CSNK2A1: variants seen among roughly 807,000 people sequenced by gnomAD.
CSNK2A1 encodes the protein casein kinase 2 alpha 1.
A neutral mutation model predicts 62.9 loss-of-function variants in CSNK2A1; 10 were observed. That is an observed-to-expected ratio of 0.16 (90% CI 0.10 to 0.27). The LOEUF (loss-of-function observed/expected upper bound fraction) is 0.27, where lower values mean the gene tolerates loss of function less well. Ranked by LOEUF, CSNK2A1 falls within the 10% of genes least tolerant of loss-of-function variation. The pLI is 1.00. For synonymous variants in CSNK2A1, 124 were observed against 167.8 expected (o/e 0.74, Z 2.02); for missense variants, 160 against 492.0 (o/e 0.33, Z 6.38).
At chr20:525,288 G>C (rs998953012) in intron 2 of CSNK2A1, among the ~76,000 whole-genome samples, 1 of 150,596 alleles carries the variant, frequency 6.6e-6, no homozygotes, top group African/African-American at 2.4e-5. Flanking sequence ...GAGGTGAGTG[G>C]ATTACTTGAA....
intron 1 of CSNK2A1, among the ~76,000 whole-genome samples, chr20:531,027 T>C (rs2019201227): frequency 6.6e-6 from 1 of 152,082 alleles, no homozygotes; most frequent in African/African-American, 2.4e-5. Context: ...GAGGTTACAG[T>C]GAGCTGAGAT....
At position 487,440 on chromosome 20, in the gene CSNK2A1, C is replaced by T. The variant is rs1199266803; in HGVS notation, c.960G>A (p.Glu320=). 6.2e-7 allele frequency: 1 copy of T among 1,613,954 alleles called. No individual in the cohort carries two copies. The highest frequency in any genetic ancestry group is 8.5e-7 in the Non-Finnish European group (1 of 1,180,036). Residue 320 remains glutamate, a synonymous_variant, in exon 12 of 14, where the codon GAG becomes GAA. Transcript: ENST00000217244. The part of the protein sequence containing the change: ...QSRLTAREAM[E]HPYFYTVVKD... Reference sequence around the variant, plus strand: ...ATCTGGACTCACAGAAATAGGGGTGCTCCATTGCCTCTCTTGCAGTAAGCC... The same window carrying T: ...ATCTGGACTCACAGAAATAGGGGTGTTCCATTGCCTCTCTTGCAGTAAGCC...
intron 2 of CSNK2A1, chr20:526,761 C>T (rs572703244): frequency 3.7e-4 from 57 of 152,102 alleles, no homozygotes; most frequent in Admixed American, 1.6e-3. Context: ...CGAGACCAGT[C>T]TGGCCAATAT....
At chr20:503,433 C>T (rs1261702324) in intron 4 of CSNK2A1, 5 of 398,352 alleles carry the variant, frequency 1.3e-5, no homozygotes, top group African/African-American at 8.2e-5. Flanking sequence ...GATATAAATA[C>T]TTAAACTCTC....
intron 11 of CSNK2A1, 137 bp downstream of exon 11, chr20:488,541 C>A (rs754145602): frequency 4.9e-6 from 4 of 812,310 alleles, no homozygotes; most frequent in Non-Finnish European, 7.9e-6. Context: ...CTGCTCAATG[C>A]AGCATCCTGT....
intron 2 of CSNK2A1, among the ~76,000 whole-genome samples, chr20:524,089 T>A (rs1037388299): frequency 2.1e-4 from 32 of 151,320 alleles, no homozygotes; most frequent in African/African-American, 7.1e-4. Context: ...TAAAAAAAAA[T>A]TTAAAAAAAG....
intron 1 of CSNK2A1, among the ~76,000 whole-genome samples, chr20:538,370 C>T (rs1269482403): frequency 6.6e-6 from 1 of 152,124 alleles, no homozygotes; most frequent in East Asian, 1.9e-4. Context: ...ATTCATGTGG[C>T]CCAATTTCCC....
chr20:514,789 G>A lies in CSNK2A1; in HGVS notation c.-109-6129C>T, dbSNP rs150065540. On this transcript the variant is annotated intron_variant, in intron 2 of 13. Coordinates refer to ENST00000217244, the MANE Select transcript of CSNK2A1 (RefSeq NM_177559.3). ...GAAATAGTATTTCACTTATACCTCT[G>A]CAAATGCATATGTATATCACATGTA... 1.6e-4 allele frequency among the ~76,000 whole-genome samples: 25 copies of A among 152,190 alleles called. No individual in the cohort carries two copies. In the East Asian group the frequency reaches 4.6e-3, roughly 28 times the overall value.
intron 2 of CSNK2A1, among the ~76,000 whole-genome samples, chr20:523,883 T>TAAAAAAAAAA (rs2019007093): frequency 1.7e-5 from 2 of 114,310 alleles, no homozygotes; most frequent in Non-Finnish European, 3.6e-5. Flanking sequence ...AAAAAAAAAC[T>TAAAAAAAAAA]GTAGTAACTC....
chr20:479,966 C>T lies in CSNK2A1; in HGVS notation c.*3995G>A, dbSNP rs1365967170. 1 of 152,114 alleles carries T rather than the reference C, an allele frequency of 6.6e-6. No homozygotes were observed. The highest frequency in any genetic ancestry group is 1.5e-5 in the Non-Finnish European group (1 of 68,026). 9.4% of individuals were successfully genotyped at this position (152,114 alleles called of 1,614,324 possible). A position where few individuals can be genotyped will look rare whatever the true frequency, so the allele number is the denominator to read the frequency against. On this transcript the variant is annotated 3_prime_UTR_variant, in exon 14 of 14. Transcript: ENST00000217244. ...AAAAAATTCAAAACACTTCTGGTCC[C>T]AACCATTTTGGATAGGGGATATTCA...
chr20:498,083 T>C (rs1396916741), intron 6 of CSNK2A1: 13 of 274,906 alleles, frequency 4.7e-5, no homozygotes, highest in African/African-American at 2.3e-4. Flanking sequence ...TTGCTTTTCA[T>C]GTATCTTCAG....
chr20:523,979 C>G (rs1002318817), intron 2 of CSNK2A1, among the ~76,000 whole-genome samples: 1 of 150,806 alleles, frequency 6.6e-6, no homozygotes, highest in African/African-American at 2.4e-5. Flanking sequence ...TATAACTATT[C>G]TATGTCCCAG....
At position 480,800 on chromosome 20, in the gene CSNK2A1, T is replaced by C. The variant is rs1313143373; in HGVS notation, c.*3161A>G. 6.6e-6 allele frequency: 1 copy of C among 152,232 alleles called. No individual in the cohort carries two copies. Among genetic ancestry groups the C allele is most frequent in the Non-Finnish European group, 1.5e-5 (1 of 68,038 alleles). The allele number at this position is 152,232 out of a possible 1,614,324, so 9.4% of individuals were successfully genotyped here. A position where few individuals can be genotyped will look rare whatever the true frequency, so the allele number is the denominator to read the frequency against. ...ATGCTTAAATGGTCAATTCTAATTA[T>C]AACCATACTTGTCAAAAGGTGAAGC... On this transcript the variant is annotated 3_prime_UTR_variant, in exon 14 of 14. Transcript: ENST00000217244.
intron 3 of CSNK2A1, chr20:507,048 C>T (rs2018618051): frequency 2.0e-5 from 3 of 152,162 alleles, no homozygotes; most frequent in African/African-American, 7.2e-5. Context: ...GGTGTCTTTA[C>T]AGCATACAGT....
In CSNK2A1 at chr20:499,865, T is replaced by C; in HGVS notation, c.283A>G (p.Ile95Val). 2 of 1,613,878 alleles carry C rather than the reference T, an allele frequency of 1.2e-6. No homozygotes were observed. Among genetic ancestry groups the C allele is most frequent in the Non-Finnish European group, 1.7e-6 (2 of 1,180,024 alleles). ...TCTTTTACAATGTCTGCCAGTGTGA[T>C]GATGTTGGGACCTCCTCTCAAATTC... The part of the protein sequence containing the change: ...LENLRGGPNI[I>V]TLADIVKDPV... Residue 95 changes from isoleucine (I) to valine (V), a missense_variant, in exon 5 of 14, where the codon ATC becomes GTC. Ile to Val is a conservative substitution (Grantham distance 29). Transcript: ENST00000217244. This position sits in a 1 kb window ranked among gnomAD's most constrained non-coding sequence, Gnocchi z 4.2.
At chr20:485,101 A>ATATAC (rs2018057838) in intron 13 of CSNK2A1, among the ~76,000 whole-genome samples, 3 of 31,866 alleles carry the variant, frequency 9.4e-5, no homozygotes, top group African/African-American at 3.1e-4. Flanking sequence ...AAAAAAAAAA[A>ATATAC]AAAAAAAAAT....
chr20:495,956 G>A, intron 7 of CSNK2A1, 154 bp from the exon 8 acceptor site: 1 of 608,626 alleles, frequency 1.6e-6, no homozygotes, highest in African/African-American at 1.8e-5. Flanking sequence ...TCAGAGACTT[G>A]TTCATGATCT....
intron 2 of CSNK2A1, among the ~76,000 whole-genome samples, chr20:512,968 G>A (rs1463883639): frequency 6.6e-6 from 1 of 152,084 alleles, no homozygotes; most frequent in Non-Finnish European, 1.5e-5. Flanking sequence ...TGTAGGATTG[G>A]TGACTCTGTG....
intron 2 of CSNK2A1, among the ~76,000 whole-genome samples, chr20:518,766 A>G (rs2018881356): frequency 6.9e-6 from 1 of 144,068 alleles, no homozygotes; most frequent in Non-Finnish European, 1.5e-5. Flanking sequence ...CGTGTTAGCC[A>G]GGACGGTCTC....
Sources: allele counts gnomAD v4.1 joint callset (sites outside exome capture counted in the v4.1 genomes callset), GRCh38; gene constraint gnomAD v4.1.1; non-coding constraint Gnocchi (gnomAD v3.1); transcripts MANE v1.5; gene names NCBI Gene and HGNC (gene_info 2026-07-23, HGNC 2026-07-21).